Variants in CRAT observed in about 807,000 individuals in gnomAD.
CRAT encodes the protein carnitine O-acetyltransferase.
A neutral mutation model predicts 73.7 loss-of-function variants in CRAT; 66 were observed. The observed-to-expected ratio is 0.90, with a 90% confidence interval of 0.73 to 1.10. CRAT has a LOEUF of 1.10. Among genes scored for constraint, CRAT ranks in the 50% least tolerant of loss-of-function variants. CRAT has a pLI of 0.00. For missense variants in CRAT, 745 were observed against 846.9 expected, an observed-to-expected ratio of 0.88 and a Z score of 1.49; for synonymous variants, 321 against 343.2, an observed-to-expected ratio of 0.94 and a Z score of 0.71.
At chr9:129,108,844 G>A (rs530373734) in intron 1 of CRAT, 35 of 1,304,010 alleles carry the variant, frequency 2.7e-5, no homozygotes, top group Non-Finnish European at 3.4e-5. Context: ...GGATCTCTAA[G>A]CCTAACTGTG....
Position 129,101,925 on chromosome 9 carries a change from G to C in CRAT, c.763C>G (p.His255Asp), listed in dbSNP as rs1384213326. 6.2e-7 allele frequency: 1 copy of C among 1,614,182 alleles called. No individual in the cohort carries two copies. The highest frequency in any genetic ancestry group is 1.7e-5 in the Admixed American group (1 of 60,028). The change falls in exon 6 of 14, where the codon CAC (histidine) becomes GAC (aspartate). Residue 255 changes from histidine to aspartate, a missense_variant. Transcript: ENST00000318080. Reference protein sequence around the residue: ...KEPVGILTSNHRNSWAKAYNT... With the variant: ...KEPVGILTSNDRNSWAKAYNT... ...TATGCCTTGGCCCAGGAGTTGCGGT[G>C]GTTGGAGGTGAGGATGCCCACAGGC... is the stretch of plus-strand genomic sequence containing the variant.
Position 129,097,423 on chromosome 9 carries a change from T to C in CRAT, c.1465-111A>G, listed in dbSNP as rs1222288817. 7 of 838,882 alleles carry C rather than the reference T, an allele frequency of 8.3e-6. No individual in the cohort carries two copies. The East Asian group carries it at 1.3e-4, about 15-fold the overall frequency. 52.0% of individuals were successfully genotyped at this position (838,882 alleles called of 1,614,324 possible). On this transcript the variant is annotated intron_variant, in intron 11 of 13. Coordinates refer to ENST00000318080, the MANE Select transcript of CRAT (RefSeq NM_000755.5). The stretch of plus-strand genomic sequence containing the variant: ...ATTCTGAGCTCTTTAAGAGGAAATA[T>C]TGGGGCTGGGAGCGGTGGCTCACGC...
rs986281769 is a variant in CRAT at position 129,103,242 on chromosome 9, C to T, written c.411-176G>A. On this transcript the variant is annotated intron_variant, in intron 3 of 13. Coordinates refer to ENST00000318080, the MANE Select transcript of CRAT (RefSeq NM_000755.5). The surrounding 1 kb of genome is among the most constrained non-coding windows in gnomAD (Gnocchi z 4.6). ...GTCCCAGCTTGCCAGCCTGTGTGTG[C>T]TTCTTCATAACCTCTAGAGGGAGCA... Among the ~76,000 whole-genome samples, 1 of 152,114 alleles carries T rather than the reference C, an allele frequency of 6.6e-6. No homozygotes were observed. The highest frequency in any genetic ancestry group is 2.4e-5 in the African/African-American group (1 of 41,410).
Position 129,110,522 on chromosome 9 carries a change from T to G in CRAT, c.-13A>C, listed in dbSNP as rs1848363007. The G allele has an allele frequency of 6.3e-7, 1 of 1,576,720 alleles. No individual in the cohort carries two copies. The highest frequency in any genetic ancestry group is 1.4e-5 in the African/African-American group (1 of 71,620). ...CGAAGGCTAACATCTTCGCTGCCCG[T>G]CCGCGGACACGCAGTCCGCTCCGCC... On this transcript the variant is annotated 5_prime_UTR_variant, in exon 1 of 14. Coordinates refer to ENST00000318080, the MANE Select transcript of CRAT (RefSeq NM_000755.5). The surrounding 1 kb of genome is among the most constrained non-coding windows in gnomAD (Gnocchi z 5.3).
chr9:129,110,662 C>G lies in CRAT; in HGVS notation c.-153G>C, dbSNP rs996155693. 2 of 938,068 alleles carry G rather than the reference C, an allele frequency of 2.1e-6. No individual in the cohort carries two copies. The highest frequency in any genetic ancestry group is 3.0e-6 in the Non-Finnish European group (2 of 674,952). 58.1% of individuals were successfully genotyped at this position (938,068 alleles called of 1,614,324 possible). A position where few individuals can be genotyped will look rare whatever the true frequency, so the allele number is the denominator to read the frequency against. ...CAGCCGCCAGCCGGTAGAGGCAGCC[C>G]CGCGCCCACCCTCTGGGCCGAGCGG... On this transcript the variant is annotated 5_prime_UTR_variant, in exon 1 of 14. Coordinates refer to ENST00000318080, the MANE Select transcript of CRAT (RefSeq NM_000755.5). The surrounding 1 kb of genome is among the most constrained non-coding windows in gnomAD (Gnocchi z 5.3).
At position 129,110,453 on chromosome 9, in the gene CRAT, G is replaced by T. The variant is rs765709277; in HGVS notation, c.27+30C>A. Reference sequence around the variant, plus strand: ...GCACGGCCCGCCCAGGCCGTCCAGGGCCCTCAGGCCCGGGATCCGCCGCAC... The same window carrying T: ...GCACGGCCCGCCCAGGCCGTCCAGGTCCCTCAGGCCCGGGATCCGCCGCAC... On this transcript the variant is annotated intron_variant, in intron 1 of 13. Transcript: ENST00000318080. This position sits in a 1 kb window ranked among gnomAD's most constrained non-coding sequence, Gnocchi z 5.3. 15 of 1,560,096 alleles carry T rather than the reference G, an allele frequency of 9.6e-6. No homozygotes were observed. Among genetic ancestry groups the T allele is most frequent in the Middle Eastern group, 2.0e-4 (1 of 5,054 alleles).
chr9:129,108,891 C>A, intron 1 of CRAT: 1 of 1,296,550 alleles, frequency 7.7e-7, no homozygotes, highest in Admixed American at 2.3e-5. Flanking sequence ...CCAGAGGCAG[C>A]CACTTGCCTG....
chr9:129,105,540 T>A (rs2131483756), intron 2 of CRAT, among the ~76,000 whole-genome samples: 1 of 151,972 alleles, frequency 6.6e-6, no homozygotes, highest in East Asian at 1.9e-4. Flanking sequence ...CAGGCTGGTC[T>A]TGAACTCCTG....
At position 129,096,022 on chromosome 9, in the gene CRAT, C is replaced by T. The variant is rs1337234362; in HGVS notation, c.1641G>A (p.Met547Ile). The T allele has an allele frequency of 2.5e-6, 4 of 1,614,026 alleles. No individual in the cohort carries two copies. The South Asian group carries it at 3.3e-5, about 13-fold the overall frequency. Residue 547 changes from methionine to isoleucine, a missense_variant, in exon 13 of 14, where the codon ATG becomes ATA. Physicochemically the swap from Met to Ile is conservative, Grantham distance 10. Coordinates refer to ENST00000318080, the MANE Select transcript of CRAT (RefSeq NM_000755.5). ...IFMDTSYAIA[M>I]HFHLSTSQVP... ...CCTGGCTGGTGGAGAGGTGGAAGTG[C>T]ATGGCGATGGCGTAGGAGGTGTCCA...
Position 129,107,834 on chromosome 9 carries a change from C to G in CRAT, c.271G>C (p.Ala91Pro). The change falls in exon 2 of 14, where the codon GCC becomes CCC. Residue 91 changes from alanine to proline, a missense_variant. Ala to Pro is a conservative substitution (Grantham distance 27, BLOSUM62 -1). Transcript: ENST00000318080. The surrounding 1 kb of genome is among the most constrained non-coding windows in gnomAD (Gnocchi z 5.0). ...CTCACCCAGTTCTCCGTCTTCCTGG[C>G]CCGACGCTCCAGCCCCTTCTGCAGG... Reference protein sequence around the residue: ...ERLQKGLERRARKTENWLSEW... With the variant: ...ERLQKGLERRPRKTENWLSEW... The G allele has an allele frequency of 6.2e-7, 1 of 1,612,930 alleles. No homozygotes were observed. Among genetic ancestry groups the G allele is most frequent in the Non-Finnish European group, 8.5e-7 (1 of 1,180,028 alleles).
chr9:129,102,178 G>A (rs962076521), intron 5 of CRAT, 121 bp from the exon 6 acceptor site: 6 of 1,242,214 alleles, frequency 4.8e-6, no homozygotes, highest in African/African-American at 3.0e-5. Context: ...GTCAGGCCAA[G>A]GGTGAGAGGG....
chr9:129,098,703 C>T (rs1333843275), intron 8 of CRAT, 53 bp from the exon 9 acceptor site: 2 of 1,560,886 alleles, frequency 1.3e-6, no homozygotes, highest in Non-Finnish European at 1.7e-6. Context: ...GAGCCTGGGT[C>T]CATTCTGGGA....
chr9:129,102,937 G>C, intron 4 of CRAT, 76 bp downstream of exon 4: 5 of 1,368,812 alleles, frequency 3.7e-6, no homozygotes, highest in Non-Finnish European at 5.2e-6. Context: ...CCGGGCCAGG[G>C]CTGGGGTCAG....
At position 129,096,060 on chromosome 9, in the gene CRAT, G is replaced by A. The variant is rs772697744; in HGVS notation, c.1603C>T (p.Pro535Ser). The A allele has an allele frequency of 1.2e-6, 2 of 1,614,066 alleles. No homozygotes were observed. Among genetic ancestry groups the A allele is most frequent in the Admixed American group, 3.3e-5 (2 of 60,038 alleles). Residue 535 changes from proline to serine, a missense_variant, in exon 13 of 14, where the codon CCC becomes TCC. Physicochemically the swap from Pro to Ser is moderately conservative, Grantham distance 74. Coordinates refer to ENST00000318080, the MANE Select transcript of CRAT (RefSeq NM_000755.5). ...LQAIEDLVSM[P>S]DIFMDTSYAI... Reference sequence around the variant, plus strand: ...TAGGAGGTGTCCATGAAGATGTCGGGCATGCTCACCAGGTCCTCGATGGCC... The same window carrying A: ...TAGGAGGTGTCCATGAAGATGTCGGACATGCTCACCAGGTCCTCGATGGCC...
At position 129,095,403 on chromosome 9, in the gene CRAT, C is replaced by T. The variant is rs748123046; in HGVS notation, c.1875G>A (p.Lys625=). 1.2e-6 allele frequency: 2 copies of T among 1,610,520 alleles called. No homozygotes were observed. Among genetic ancestry groups the T allele is most frequent in the South Asian group, 1.1e-5 (1 of 91,044 alleles). ...AGGCCTGAGTCCTAGGGGCTCAGAG[C>T]TTGGCCCGGGGGTGGCTCTGCAGCA... ...RALLQSHPRA[K]L is the part of the protein sequence containing the mutation. Residue 625 remains lysine (K), a synonymous_variant, in exon 14 of 14, where the codon AAG becomes AAA. Transcript: ENST00000318080.
In CRAT at chr9:129,104,947, C is replaced by T. The variant is rs1448895145; in HGVS notation, c.292-641G>A. On this transcript the variant is annotated intron_variant, in intron 2 of 13. Coordinates refer to ENST00000318080, the MANE Select transcript of CRAT (RefSeq NM_000755.5). ...ACGGAGTCTCGCTCTGTCCCCCACG[C>T]TGGAGTGCAGTGGCATGATCTCGGC... Among the ~76,000 whole-genome samples the T allele has an allele frequency of 2.7e-4, 38 of 141,422 alleles. 1 individual carries two copies. In the Admixed American group the frequency reaches 2.7e-3, roughly 10 times the overall value. 92.8% of individuals were successfully genotyped at this position (141,422 alleles called of 152,430 possible).
At chr9:129,109,629 T>C (rs571564831) in intron 1 of CRAT, among the ~76,000 whole-genome samples, 1 of 152,224 alleles carries the variant, frequency 6.6e-6, no homozygotes, top group South Asian at 2.1e-4. Flanking sequence ...GTTTGTGGGA[T>C]GGATGCAGCT....
At position 129,098,375 on chromosome 9, in the gene CRAT, G is replaced by C. The variant is rs200167828; in HGVS notation, c.1206-4C>G. 6.9e-5 allele frequency: 112 copies of C among 1,613,638 alleles called. 1 individual carries two copies. The East Asian group carries it at 2.3e-3, about 33-fold the overall frequency. On this transcript the variant is annotated splice_polypyrimidine_tract_variant and splice_region_variant and intron_variant, in intron 9 of 13. Transcript: ENST00000318080. ...GATATCCAGGTCCTGGATCATGCTG[G>C]GGGTGTGGGAAGAGCAGGTGAGGAG...
chr9:129,104,805 C>T (rs1173070959), intron 2 of CRAT, among the ~76,000 whole-genome samples: 4 of 151,096 alleles, frequency 2.6e-5, no homozygotes, highest in East Asian at 3.9e-4. Flanking sequence ...GGGGTTTCAC[C>T]GTGTTAGCCA....
Sources: gnomAD v4.1 joint callset for allele counts (sites outside exome capture counted in the v4.1 genomes callset) on GRCh38, gnomAD v4.1.1 for gene constraint, Gnocchi (gnomAD v3.1) non-coding constraint, MANE v1.5 for transcripts, NCBI Gene and HGNC (gene_info 2026-07-23, HGNC 2026-07-21) for gene names.